OPCML: variants seen among roughly 807,000 people sequenced by gnomAD.
OPCML encodes the protein opioid-binding protein/cell adhesion molecule.
A neutral mutation model predicts 37.8 loss-of-function variants in OPCML; 13 were observed. The observed-to-expected ratio is 0.34, with a 90% CI of 0.22 to 0.55. The LOEUF is 0.55. OPCML is among the 20% of genes least tolerant of loss of function. The probability of loss-of-function intolerance (pLI) is 0.91; values close to 1 mark genes in which losing one functional copy is unlikely to be tolerated. For synonymous variants in OPCML, 176 were observed against 168.8 expected (o/e 1.04, Z -0.33); for missense variants, 341 against 435.6 (o/e 0.78, Z 1.93).
chr11:132,654,148 C>G (rs570702215), intron 3 of OPCML, among the ~76,000 whole-genome samples: 1 of 152,316 alleles, frequency 6.6e-6, no homozygotes, highest in East Asian at 1.9e-4. Context: ...TTCTTTCTAA[C>G]TGAGTAGTGG....
At position 132,416,956 on chromosome 11, in the gene OPCML, G is replaced by A. The variant is rs971334925; in HGVS notation, c.*3237C>T. 11 of 152,628 alleles carry A rather than the reference G, an allele frequency of 7.2e-5. No homozygotes were observed. The highest frequency in any genetic ancestry group is 2.7e-4 in the African/African-American group (11 of 41,442). 9.5% of individuals were successfully genotyped at this position (152,628 alleles called of 1,614,324 possible). A position where few individuals can be genotyped will look rare whatever the true frequency, so the allele number is the denominator to read the frequency against. ...TTTCATTGGCATTACTTTGGTGGAA[G>A]TGCATATGAACTCTGTTTTGGGAAG... On this transcript the variant is annotated 3_prime_UTR_variant, in exon 8 of 8. Coordinates refer to ENST00000524381, the MANE Select transcript of OPCML (RefSeq NM_001012393.5).
At chr11:133,369,801 G>A (rs1215349635) in intron 1 of OPCML, among the ~76,000 whole-genome samples, 1 of 152,112 alleles carries the variant, frequency 6.6e-6, no homozygotes, top group Non-Finnish European at 1.5e-5. Flanking sequence ...ACAAGGTAAA[G>A]AATGTGCATT....
At chr11:132,683,368 C>T (rs560163040) in intron 2 of OPCML, among the ~76,000 whole-genome samples, 1 of 152,234 alleles carries the variant, frequency 6.6e-6, no homozygotes, top group Non-Finnish European at 1.5e-5. Context: ...GAGTGAGACT[C>T]TGTCTCAAAA....
At position 133,080,479 on chromosome 11, in the gene OPCML, T is replaced by G. The variant is rs565292173; in HGVS notation, c.62-137469A>C. The stretch of plus-strand genomic sequence containing the variant: ...TCCCACTTTGGTAATCAAATGTTTT[T>G]TTTTTTTTTTTTTTTCCTAAAATAG... On this transcript the variant is annotated intron_variant, in intron 1 of 7. Coordinates refer to ENST00000524381, the MANE Select transcript of OPCML (RefSeq NM_001012393.5). 5.2e-4 allele frequency among the ~76,000 whole-genome samples: 78 copies of G among 149,182 alleles called. 1 individual carries two copies. The highest frequency in any genetic ancestry group is 4.6e-3 in the East Asian group (24 of 5,162).
At chr11:132,661,395 T>C (rs1299320372) in intron 2 of OPCML, among the ~76,000 whole-genome samples, 1 of 152,074 alleles carries the variant, frequency 6.6e-6, no homozygotes, top group African/African-American at 2.4e-5. Context: ...CAAAAGAAAA[T>C]GTAGTTTCAT....
intron 1 of OPCML, among the ~76,000 whole-genome samples, chr11:133,344,067 T>A (rs551630821): frequency 6.6e-5 from 10 of 152,184 alleles, no homozygotes; most frequent in Non-Finnish European, 1.5e-4. Flanking sequence ...CGCTGCAGAC[T>A]CTCCACTCCC....
At chr11:132,776,721 C>T (rs563807135) in intron 2 of OPCML, among the ~76,000 whole-genome samples, 13 of 152,192 alleles carry the variant, frequency 8.5e-5, no homozygotes, top group African/African-American at 3.1e-4. Flanking sequence ...GCCAATGAAA[C>T]CTCTTTTCTT....
intron 1 of OPCML, among the ~76,000 whole-genome samples, chr11:133,347,865 C>A (rs1413934771): frequency 6.6e-6 from 1 of 152,042 alleles, no homozygotes; most frequent in Non-Finnish European, 1.5e-5. Context: ...ATTTTATAAT[C>A]CCAGTACATG....
intron 1 of OPCML, among the ~76,000 whole-genome samples, chr11:132,970,638 C>T (rs1040301334): frequency 1.3e-5 from 2 of 151,892 alleles, no homozygotes; most frequent in African/African-American, 4.8e-5. Context: ...GTCATTTTTC[C>T]ATAAATGTCA....
At chr11:133,041,080 A>G (rs891247263) in intron 1 of OPCML, among the ~76,000 whole-genome samples, 3 of 152,194 alleles carry the variant, frequency 2.0e-5, no homozygotes, top group African/African-American at 7.2e-5. Context: ...TTTGAGTTCA[A>G]ATCTCAGATT....
intron 2 of OPCML, among the ~76,000 whole-genome samples, chr11:132,671,260 A>G (rs1373122874): frequency 1.3e-5 from 2 of 152,130 alleles, no homozygotes; most frequent in Non-Finnish European, 2.9e-5. Flanking sequence ...TAATAAGCCA[A>G]TCATCTTTTC....
At chr11:132,883,513 T>G (rs1361084237) in intron 2 of OPCML, among the ~76,000 whole-genome samples, 4 of 152,078 alleles carry the variant, frequency 2.6e-5, no homozygotes, top group African/African-American at 9.7e-5. Flanking sequence ...CCAGTGGGAA[T>G]AAAAATAAAG....
At chr11:132,689,062 C>G (rs1320430050) in intron 2 of OPCML, among the ~76,000 whole-genome samples, 2 of 151,924 alleles carry the variant, frequency 1.3e-5, no homozygotes, top group African/African-American at 4.8e-5. Context: ...AGCCCCTGAG[C>G]TGCCTGCCCT....
At chr11:132,860,402 C>G (rs543221071) in intron 2 of OPCML, 1 of 152,126 alleles carries the variant, frequency 6.6e-6, no homozygotes, top group East Asian at 1.9e-4. Context: ...AATGGAACAA[C>G]GTTTGACATG....
chr11:132,460,466 A>T (rs78494020), intron 4 of OPCML, among the ~76,000 whole-genome samples: 3 of 152,190 alleles, frequency 2.0e-5, no homozygotes, highest in Admixed American at 6.5e-5. Flanking sequence ...TCAGGGGTCA[A>T]TGAATCTTAC....
intron 1 of OPCML, among the ~76,000 whole-genome samples, chr11:133,117,534 T>C (rs1166434370): frequency 2.0e-5 from 3 of 152,138 alleles, no homozygotes; most frequent in African/African-American, 7.2e-5. Flanking sequence ...TTTCCCACCA[T>C]ATACCTATTT....
At chr11:133,360,342 G>A (rs1944385473) in intron 1 of OPCML, 1 of 152,216 alleles carries the variant, frequency 6.6e-6, no homozygotes. Context: ...GAACCATGAA[G>A]TTCTCACGCG....
At chr11:133,290,285 G>A (rs1278930296) in intron 1 of OPCML, among the ~76,000 whole-genome samples, 4 of 152,164 alleles carry the variant, frequency 2.6e-5, no homozygotes, top group Non-Finnish European at 4.4e-5. Context: ...CCATAGTTTC[G>A]TTCAACAAGA....
intron 2 of OPCML, among the ~76,000 whole-genome samples, chr11:132,935,236 T>C (rs1166354501): frequency 6.6e-6 from 1 of 152,096 alleles, no homozygotes; most frequent in Non-Finnish European, 1.5e-5. Flanking sequence ...TTCAGAAATA[T>C]CTTTGAGAAA....
Sources: allele counts gnomAD v4.1 joint callset (sites outside exome capture counted in the v4.1 genomes callset), GRCh38; gene constraint gnomAD v4.1.1; transcripts MANE v1.5; gene names NCBI Gene and HGNC (gene_info 2026-07-23, HGNC 2026-07-21).